The following DAB1 variants were observed in gnomAD, a reference collection of about 807,000 sequenced individuals.
DAB1 encodes the protein disabled homolog 1.
Under a neutral mutation model 64.6 loss-of-function variants are expected in DAB1, and 15 were observed. That is an observed-to-expected ratio of 0.23 (90% CI 0.16 to 0.36). The LOEUF (loss-of-function observed/expected upper bound fraction) is 0.36. DAB1 is among the 10% of genes least tolerant of loss of function. The pLI, the probability that DAB1 is intolerant of heterozygous loss-of-function variation, is 1.00. For synonymous variants in DAB1, 235 were observed against 251.9 expected (o/e 0.93, Z 0.64); for missense variants, 596 against 706.7 (o/e 0.84, Z 1.78).
At position 57,299,067 on chromosome 1, in the gene DAB1, G is replaced by A. The variant is rs532384594; in HGVS notation, c.-136-7901C>T. On this transcript the variant is annotated intron_variant, in intron 1 of 14. Coordinates refer to ENST00000371236, the MANE Select transcript of DAB1 (RefSeq NM_001365792.1). ...GCTGAGATCATAAAACTAACACTGAGAGCATAATACTAGTAGTACCACTTT... is the reference window on the plus strand; with the variant it reads ...GCTGAGATCATAAAACTAACACTGAAAGCATAATACTAGTAGTACCACTTT... 2.6e-5 allele frequency among the ~76,000 whole-genome samples: 4 copies of A among 152,310 alleles called. No homozygotes were observed. The South Asian group carries it at 8.3e-4, about 32-fold the overall frequency.
At position 58,312,769 on chromosome 1, in the gene DAB1, A is replaced by G. The variant is rs116644454; in HGVS notation, n.309+30583T>C. On this transcript the variant is annotated intron_variant and non_coding_transcript_variant, in intron 4 of 20. Transcript: ENST00000485760. ...CTGGGACTAGCTGGGTTCAGATCCCAGCTGTACTCACTTACTAGTTGTGTG... is the reference window on the plus strand; with the variant it reads ...CTGGGACTAGCTGGGTTCAGATCCCGGCTGTACTCACTTACTAGTTGTGTG... Among the ~76,000 whole-genome samples, 670 of 152,280 alleles carry G rather than the reference A, an allele frequency of 4.4e-3. 5 individuals are homozygous for G. Among genetic ancestry groups the G allele is most frequent in the African/African-American group, 0.016 (646 of 41,562 alleles).
intron 4 of DAB1, among the ~76,000 whole-genome samples, chr1:58,223,239 C>G (rs1316343141): frequency 6.6e-6 from 1 of 152,184 alleles, no homozygotes; most frequent in Non-Finnish European, 1.5e-5. Context: ...AATATCTTAT[C>G]TGGTTCCATC....
At chr1:58,312,675 A>G (rs1445216303) in intron 4 of DAB1, among the ~76,000 whole-genome samples, 1 of 152,180 alleles carries the variant, frequency 6.6e-6, no homozygotes, top group Non-Finnish European at 1.5e-5. Context: ...CCAGGAAGGG[A>G]CAAGCTCAGT....
intron 7 of DAB1, among the ~76,000 whole-genome samples, chr1:57,513,619 T>C (rs1644430440): frequency 6.6e-6 from 1 of 152,186 alleles, no homozygotes; most frequent in Admixed American, 6.5e-5. Context: ...TTTTGAAATA[T>C]GTATACATTG....
At chr1:58,528,223 T>C (rs1053416247) in intron 1 of DAB1, among the ~76,000 whole-genome samples, 2 of 152,224 alleles carry the variant, frequency 1.3e-5, no homozygotes, top group African/African-American at 2.4e-5. Context: ...GTCAAGTCTA[T>C]TGATAACATA....
intron 14 of DAB1, among the ~76,000 whole-genome samples, chr1:56,998,620 C>A (rs1177468389): frequency 1.3e-5 from 2 of 152,222 alleles, no homozygotes; most frequent in African/African-American, 4.8e-5. Context: ...CATAAATGTC[C>A]ACTTGAGAAC....
intron 6 of DAB1, among the ~76,000 whole-genome samples, chr1:57,703,370 C>T (rs1646930033): frequency 6.6e-6 from 1 of 152,042 alleles, no homozygotes. Context: ...AAAAAGTGGT[C>T]AAAGGACATG....
At chr1:57,423,384 G>A (rs1048250577) in intron 1 of DAB1, among the ~76,000 whole-genome samples, 2 of 152,058 alleles carry the variant, frequency 1.3e-5, no homozygotes, top group Non-Finnish European at 2.9e-5. Flanking sequence ...AAAGGGCTGG[G>A]ATTACTGGGA....
At chr1:57,009,321 CG>C (rs2100278093) in intron 14 of DAB1, among the ~76,000 whole-genome samples, 1 of 152,284 alleles carries the variant, frequency 6.6e-6, no homozygotes, top group East Asian at 1.9e-4. Context: ...TATCAACTCC[CG>C]AAGTAGCTTT....
At chr1:57,982,474 G>A (rs58856103) in intron 5 of DAB1, among the ~76,000 whole-genome samples, 2,026 of 152,258 alleles carry the variant, frequency 0.013, 27 homozygotes, top group Middle Eastern at 0.041. Context: ...CTGACGTTGT[G>A]TCTGTTTCCT....
intron 7 of DAB1, among the ~76,000 whole-genome samples, chr1:57,567,481 C>G (rs1265727517): frequency 1.1e-4 from 16 of 152,152 alleles, no homozygotes; most frequent in Non-Finnish European, 1.5e-5. Context: ...AAGAGGAAGT[C>G]AAATTGTCCC....
chr1:58,463,883 C>G (rs1287384601), intron 3 of DAB1, among the ~76,000 whole-genome samples: 1 of 152,200 alleles, frequency 6.6e-6, no homozygotes, highest in African/African-American at 2.4e-5. Context: ...TCCACTGGGA[C>G]CATCTGTGGA....
intron 12 of DAB1, among the ~76,000 whole-genome samples, chr1:57,013,041 T>A (rs1646311583): frequency 6.6e-6 from 1 of 152,214 alleles, no homozygotes; most frequent in South Asian, 2.1e-4. Flanking sequence ...TTCTCGACAC[T>A]AGAGGAAGGG....
At chr1:57,640,891 C>T (rs1430981188) in intron 7 of DAB1, among the ~76,000 whole-genome samples, 1 of 152,062 alleles carries the variant, frequency 6.6e-6, no homozygotes, top group African/African-American at 2.4e-5. Context: ...TTTATTTTTC[C>T]TGAATGCACT....
chr1:57,464,586 A>G (rs1686894879), intron 7 of DAB1, among the ~76,000 whole-genome samples: 1 of 152,168 alleles, frequency 6.6e-6, no homozygotes, highest in South Asian at 2.1e-4. Context: ...AGGCCAGCAA[A>G]GAGCTTGGCA....
chr1:57,532,318 C>T (rs1253205240), intron 7 of DAB1, among the ~76,000 whole-genome samples: 1 of 80,914 alleles, frequency 1.2e-5, no homozygotes, highest in Non-Finnish European at 2.9e-5. Context: ...AGCCTGTAGG[C>T]TCTTCATTCA....
intron 3 of DAB1, among the ~76,000 whole-genome samples, chr1:58,396,644 G>T (rs1476336190): frequency 1.3e-5 from 2 of 152,080 alleles, no homozygotes; most frequent in Non-Finnish European, 2.9e-5. Flanking sequence ...GACTCATGGC[G>T]ACAGAGAGAA....
At chr1:58,509,654 A>G (rs1646043446) in intron 2 of DAB1, among the ~76,000 whole-genome samples, 1 of 151,546 alleles carries the variant, frequency 6.6e-6, no homozygotes, top group African/African-American at 2.4e-5. Context: ...AATAATAAAG[A>G]TTAGAGCATA....
At chr1:57,019,108 C>A (rs1646529431) in intron 11 of DAB1, among the ~76,000 whole-genome samples, 1 of 152,212 alleles carries the variant, frequency 6.6e-6, no homozygotes, top group Non-Finnish European at 1.5e-5. Flanking sequence ...CTTGCAATTG[C>A]CTGGTTGTTC....
Sources: gnomAD v4.1 joint callset for allele counts (sites outside exome capture counted in the v4.1 genomes callset) on GRCh38, gnomAD v4.1.1 for gene constraint, MANE v1.5 for transcripts, NCBI Gene and HGNC (gene_info 2026-07-23, HGNC 2026-07-21) for gene names.